Variants in ADGRL2 observed in about 807,000 individuals in gnomAD.
ADGRL2 encodes calcium-independent alpha-latrotoxin receptor 2.
In ADGRL2, 44 loss-of-function variants were observed where a neutral mutation model predicts 157.4. The observed-to-expected ratio is 0.28, with a 90% confidence interval of 0.22 to 0.36. ADGRL2 has a LOEUF of 0.36. ADGRL2 is among the 10% of genes least tolerant of loss of function. The pLI is 1.00. For missense variants in ADGRL2, 1,510 were observed against 1,768.9 expected, an observed-to-expected ratio of 0.85 and a Z score of 2.63; for synonymous variants, 585 against 624.7, an observed-to-expected ratio of 0.94 and a Z score of 0.95.
intron 1 of ADGRL2, among the ~76,000 whole-genome samples, chr1:81,354,794 C>T (rs1301280022): frequency 6.6e-6 from 1 of 152,160 alleles, no homozygotes; most frequent in African/African-American, 2.4e-5. Flanking sequence ...CTGTATTCCT[C>T]GCTGTCAACT....
chr1:81,645,866 C>T (rs113372572), intron 3 of ADGRL2, among the ~76,000 whole-genome samples: 55 of 152,208 alleles, frequency 3.6e-4, no homozygotes, highest in Middle Eastern at 3.4e-3. Context: ...ACTCTCCTTT[C>T]ATAAGGTATT....
At chr1:81,858,724 C>T (rs2093289457) in intron 2 of ADGRL2, among the ~76,000 whole-genome samples, 1 of 151,694 alleles carries the variant, frequency 6.6e-6, no homozygotes, top group East Asian at 1.9e-4. Flanking sequence ...AAAATGATAG[C>T]AAGTATAAAG....
At chr1:81,347,260 G>C (rs1049856550) in intron 1 of ADGRL2, among the ~76,000 whole-genome samples, 4 of 152,060 alleles carry the variant, frequency 2.6e-5, no homozygotes, top group African/African-American at 9.7e-5. Flanking sequence ...AAATAGCCAG[G>C]TGTGGTGGTG....
chr1:81,580,338 T>C (rs1301210525), intron 2 of ADGRL2, among the ~76,000 whole-genome samples: 1 of 152,034 alleles, frequency 6.6e-6, no homozygotes, highest in African/African-American at 2.4e-5. Flanking sequence ...AAGTACAAAA[T>C]AAACACAACT....
rs1456580569 is a variant in ADGRL2 at position 81,991,101 on chromosome 1, G to A, written c.4366G>A (p.Gly1456Arg). Residue 1456 changes from glycine to arginine, a missense_variant, in exon 24 of 24, where the codon GGA (glycine) becomes AGA (arginine). Transcript: ENST00000686636. ...PINKEGCIPE[G>R]DVREGQMQLV... ...TAACAAAGAAGGGTGTATTCCAGAA[G>A]GAGATGTTAGAGAAGGACAAATGCA... is the stretch of plus-strand genomic sequence containing the variant. The A allele has an allele frequency of 6.2e-7, 1 of 1,611,124 alleles. No individual in the cohort carries two copies. The highest frequency in any genetic ancestry group is 1.1e-5 in the South Asian group (1 of 91,046).
intron 2 of ADGRL2, among the ~76,000 whole-genome samples, chr1:81,579,914 C>T (rs989627693): frequency 1.7e-4 from 26 of 151,920 alleles, no homozygotes; most frequent in African/African-American, 6.3e-4. Flanking sequence ...GTAAAATTAC[C>T]AGATTACCTG....
chr1:81,399,844 C>T (rs2076720995), intron 1 of ADGRL2, among the ~76,000 whole-genome samples: 1 of 152,014 alleles, frequency 6.6e-6, no homozygotes, highest in Admixed American at 6.6e-5. Context: ...TATTGTATTT[C>T]CTTGCTTTTT....
chr1:81,945,236 C>T (rs975505265), intron 6 of ADGRL2, among the ~76,000 whole-genome samples: 1 of 152,000 alleles, frequency 6.6e-6, no homozygotes, highest in Non-Finnish European at 1.5e-5. Flanking sequence ...GCTGCTACTA[C>T]AATAGTGCTT....
intron 2 of ADGRL2, among the ~76,000 whole-genome samples, chr1:81,778,507 T>C (rs2086688163): frequency 6.6e-6 from 1 of 152,098 alleles, no homozygotes; most frequent in South Asian, 2.1e-4. Context: ...GCTTACTCTT[T>C]TGGAATTTAG....
chr1:81,912,131 G>A (rs995237584), intron 3 of ADGRL2, among the ~76,000 whole-genome samples: 38 of 151,834 alleles, frequency 2.5e-4, no homozygotes, highest in African/African-American at 8.9e-4. Flanking sequence ...GAGTGCAGTG[G>A]CATGATCTCT....
At chr1:81,552,212 A>G (rs965477776) in intron 2 of ADGRL2, among the ~76,000 whole-genome samples, 4 of 152,162 alleles carry the variant, frequency 2.6e-5, no homozygotes, top group Admixed American at 1.3e-4. Context: ...TGAGAGTCTC[A>G]GCCTTTTTCT....
chr1:81,673,173 C>T (rs1304534258), intron 3 of ADGRL2, among the ~76,000 whole-genome samples: 1 of 152,216 alleles, frequency 6.6e-6, no homozygotes, highest in East Asian at 1.9e-4. Flanking sequence ...AAATTCATTT[C>T]AAGCCACACA....
intron 2 of ADGRL2, among the ~76,000 whole-genome samples, chr1:81,894,799 G>T (rs905396231): frequency 6.6e-6 from 1 of 151,878 alleles, no homozygotes; most frequent in African/African-American, 2.4e-5. Context: ...ATTACCAATA[G>T]AATTAGTGTG....
intron 2 of ADGRL2, among the ~76,000 whole-genome samples, chr1:81,773,023 G>C (rs2086437839): frequency 6.6e-6 from 1 of 152,174 alleles, no homozygotes. Context: ...GAAAGGAGTT[G>C]TGTTCTCACT....
intron 3 of ADGRL2, among the ~76,000 whole-genome samples, chr1:81,634,908 A>T (rs539007170): frequency 6.6e-6 from 1 of 152,298 alleles, no homozygotes; most frequent in South Asian, 2.1e-4. Flanking sequence ...AGTTTTCAGC[A>T]TTCTGACAGT....
At chr1:81,354,835 G>A (rs919319322) in intron 1 of ADGRL2, among the ~76,000 whole-genome samples, 2 of 152,146 alleles carry the variant, frequency 1.3e-5, no homozygotes, top group Non-Finnish European at 2.9e-5. Flanking sequence ...ATAGGTCTTA[G>A]TAATTGTTTG....
chr1:81,367,715 G>A (rs2076091256), intron 1 of ADGRL2, among the ~76,000 whole-genome samples: 1 of 152,118 alleles, frequency 6.6e-6, no homozygotes, highest in African/African-American at 2.4e-5. Context: ...ACCACACCCA[G>A]CTAATTTTGT....
chr1:81,789,553 C>G (rs2087226306), intron 2 of ADGRL2, among the ~76,000 whole-genome samples: 1 of 151,610 alleles, frequency 6.6e-6, no homozygotes, highest in Non-Finnish European at 1.5e-5. Context: ...TGGTGAAACC[C>G]CATCTCTATT....
intron 2 of ADGRL2, among the ~76,000 whole-genome samples, chr1:81,558,701 TAA>T (rs1273061572): frequency 1.3e-5 from 2 of 152,222 alleles, no homozygotes; most frequent in Non-Finnish European, 2.9e-5. Context: ...AAAGTGTTTA[TAA>T]TAGTACCTGG....
Sources: gnomAD v4.1 joint callset for allele counts (sites outside exome capture counted in the v4.1 genomes callset) on GRCh38, gnomAD v4.1.1 for gene constraint, MANE v1.5 for transcripts, NCBI Gene and HGNC (gene_info 2026-07-23, HGNC 2026-07-21) for gene names.